The following BTBD9 variants were observed in gnomAD, a reference collection of about 807,000 sequenced individuals.
The protein encoded by BTBD9 is BTB domain containing 9, also known as BTB/POZ domain-containing protein 9.
BTBD9 carries 49 observed loss-of-function variants against 64.3 expected under a neutral mutation model. The observed-to-expected ratio is 0.76, with a 90% CI of 0.61 to 0.97. The LOEUF is 0.97. BTBD9 is among the 50% of genes least tolerant of loss of function. The pLI, the probability that BTBD9 is intolerant of heterozygous loss-of-function variation, is 0.00. For synonymous variants in BTBD9, 260 were observed against 274.7 expected, an observed-to-expected ratio of 0.95 and a Z score of 0.53; for missense variants, 598 against 762.1, an observed-to-expected ratio of 0.78 and a Z score of 2.53.
intron 6 of BTBD9, among the ~76,000 whole-genome samples, chr6:38,500,242 A>G (rs1772136664): frequency 6.7e-6 from 1 of 148,596 alleles, no homozygotes; most frequent in South Asian, 2.1e-4. Context: ...TGGAGGGGGG[A>G]GGAAAAGGCA....
At chr6:38,374,667 C>T (rs952104319) in intron 6 of BTBD9, among the ~76,000 whole-genome samples, 2 of 151,770 alleles carry the variant, frequency 1.3e-5, no homozygotes, top group Non-Finnish European at 2.9e-5. Flanking sequence ...CAGACATTAC[C>T]CACCTCCCCC....
At chr6:38,554,923 A>T (rs1335542887) in intron 6 of BTBD9, among the ~76,000 whole-genome samples, 1 of 152,214 alleles carries the variant, frequency 6.6e-6, no homozygotes, top group Non-Finnish European at 1.5e-5. Flanking sequence ...TTCCTTTTCA[A>T]ATGGATTAGG....
At chr6:38,425,430 A>T (rs1768101581) in intron 6 of BTBD9, among the ~76,000 whole-genome samples, 1 of 151,958 alleles carries the variant, frequency 6.6e-6, no homozygotes, top group South Asian at 2.1e-4. Context: ...TCTAACACTT[A>T]TAACACTAGT....
intron 6 of BTBD9, among the ~76,000 whole-genome samples, chr6:38,498,457 T>C (rs1243854436): frequency 2.3e-5 from 3 of 132,662 alleles, no homozygotes; most frequent in African/African-American, 8.5e-5. Context: ...TATCTAGTAC[T>C]AAAAAAAAAA....
intron 6 of BTBD9, among the ~76,000 whole-genome samples, chr6:38,442,478 G>T (rs954129207): frequency 6.6e-6 from 1 of 151,696 alleles, no homozygotes; most frequent in Non-Finnish European, 1.5e-5. Flanking sequence ...TCAAAAAAAA[G>T]TCGTACTATA....
intron 8 of BTBD9, among the ~76,000 whole-genome samples, chr6:38,276,932 G>A (rs1761288679): frequency 6.6e-6 from 1 of 152,112 alleles, no homozygotes; most frequent in East Asian, 1.9e-4. Flanking sequence ...TTGGAATGTT[G>A]TATGTATACA....
chr6:38,316,046 T>A (rs1400285500), intron 7 of BTBD9, among the ~76,000 whole-genome samples: 1 of 152,234 alleles, frequency 6.6e-6, no homozygotes, highest in African/African-American at 2.4e-5. Flanking sequence ...TTGACCCCTT[T>A]ATCACTATAT....
At chr6:38,397,550 C>T (rs1304673078) in intron 6 of BTBD9, among the ~76,000 whole-genome samples, 8 of 152,156 alleles carry the variant, frequency 5.3e-5, no homozygotes, top group Admixed American at 5.2e-4. Flanking sequence ...TTTCAGGTGC[C>T]TGTGCATCAC....
intron 6 of BTBD9, among the ~76,000 whole-genome samples, chr6:38,366,902 T>C (rs1457841088): frequency 6.6e-6 from 1 of 152,226 alleles, no homozygotes; most frequent in Non-Finnish European, 1.5e-5. Flanking sequence ...GGTCTTTGGT[T>C]AGGTAAGGTA....
chr6:38,423,567 G>C (rs570137421), intron 6 of BTBD9, among the ~76,000 whole-genome samples: 1 of 152,258 alleles, frequency 6.6e-6, no homozygotes, highest in South Asian at 2.1e-4. Flanking sequence ...GGCTCCCAAA[G>C]TGCTGGGATT....
intron 6 of BTBD9, among the ~76,000 whole-genome samples, chr6:38,369,433 C>G (rs1765325072): frequency 6.6e-6 from 1 of 152,064 alleles, no homozygotes; most frequent in South Asian, 2.1e-4. Flanking sequence ...TTCATGCCAT[C>G]CCCCTCCCTA....
chr6:38,290,085 T>G (rs1384503436), intron 7 of BTBD9, among the ~76,000 whole-genome samples: 2 of 149,454 alleles, frequency 1.3e-5, no homozygotes, highest in African/African-American at 5.1e-5. Flanking sequence ...ATGCTTGTAC[T>G]TAAGCCCTCA....
intron 6 of BTBD9, among the ~76,000 whole-genome samples, chr6:38,501,193 G>A (rs969604404): frequency 6.6e-6 from 1 of 152,094 alleles, no homozygotes; most frequent in African/African-American, 2.4e-5. Flanking sequence ...CACCTGACGC[G>A]AGTGTTAGTG....
At chr6:38,316,347 A>T (rs1016457360) in intron 7 of BTBD9, among the ~76,000 whole-genome samples, 4 of 151,766 alleles carry the variant, frequency 2.6e-5, no homozygotes, top group African/African-American at 9.7e-5. Context: ...CCATTTTATT[A>T]TTTGTTTCCT....
At chr6:38,634,406 T>C (rs1383447860) in intron 1 of BTBD9, among the ~76,000 whole-genome samples, 1 of 152,222 alleles carries the variant, frequency 6.6e-6, no homozygotes, top group East Asian at 1.9e-4. Context: ...TCCTGTTTCT[T>C]TCCTGTGGGT....
intron 8 of BTBD9, among the ~76,000 whole-genome samples, chr6:38,258,242 T>C (rs1243938792): frequency 6.6e-6 from 1 of 151,968 alleles, no homozygotes; most frequent in Non-Finnish European, 1.5e-5. Flanking sequence ...TGCCTCAGCC[T>C]CCCAAAGTGT....
intron 6 of BTBD9, among the ~76,000 whole-genome samples, chr6:38,506,176 C>A (rs993812398): frequency 1.6e-4 from 25 of 152,110 alleles, no homozygotes; most frequent in African/African-American, 5.1e-4. Flanking sequence ...ATACATTACA[C>A]AGATGATCCT....
At chr6:38,588,338 A>G (rs544413262) in intron 4 of BTBD9, 29 of 936,836 alleles carry the variant, frequency 3.1e-5, no homozygotes, top group Non-Finnish European at 4.8e-5. Flanking sequence ...CAAACTTTTC[A>G]GCCTACTAAT....
chr6:38,446,651 T>A (rs558412157), intron 6 of BTBD9, among the ~76,000 whole-genome samples: 2 of 152,372 alleles, frequency 1.3e-5, no homozygotes, highest in African/African-American at 4.8e-5. Flanking sequence ...CAGGCACTGA[T>A]ATAAATTTTT....
Sources: gnomAD v4.1 joint callset for allele counts (sites outside exome capture counted in the v4.1 genomes callset) on GRCh38, gnomAD v4.1.1 for gene constraint, MANE v1.5 for transcripts, NCBI Gene and HGNC (gene_info 2026-07-23, HGNC 2026-07-21) for gene names.